Variants in HLTF observed in about 807,000 individuals in gnomAD.
HLTF encodes DNA-dependent ATPase/E3 ubiquitin-protein ligase HLTF.
Under a neutral mutation model 129.4 loss-of-function variants are expected in HLTF, and 127 were observed. The observed-to-expected ratio is 0.98, with a 90% CI of 0.85 to 1.14. HLTF has a LOEUF of 1.14. Ranked by LOEUF, HLTF falls within the 50% of genes most tolerant of loss-of-function variation. HLTF has a pLI of 0.00. For synonymous variants in HLTF, 332 were observed against 388.8 expected (o/e 0.85, Z 1.72); for missense variants, 1,139 against 1,187.1 (o/e 0.96, Z 0.60).
At chr3:149,067,867 C>T (rs952319744) in intron 8 of HLTF, among the ~76,000 whole-genome samples, 4 of 151,994 alleles carry the variant, frequency 2.6e-5, no homozygotes, top group Admixed American at 1.3e-4. Flanking sequence ...AATGTGATAC[C>T]TGCTGGTGGC....
intron 24 of HLTF, among the ~76,000 whole-genome samples, chr3:149,034,438 G>C (rs1576567709): frequency 6.6e-6 from 1 of 152,142 alleles, no homozygotes; most frequent in Non-Finnish European, 1.5e-5. Context: ...AGAGGAATGG[G>C]AAGTTATTAT....
chr3:149,074,855 A>T (rs1002948379), intron 3 of HLTF, among the ~76,000 whole-genome samples: 1 of 152,222 alleles, frequency 6.6e-6, no homozygotes, highest in African/African-American at 2.4e-5. Context: ...TAAAAATTAG[A>T]ATTAGAATAT....
chr3:149,072,025 C>G (rs764991552), intron 5 of HLTF, among the ~76,000 whole-genome samples: 9 of 152,066 alleles, frequency 5.9e-5, no homozygotes, highest in African/African-American at 9.7e-5. Context: ...TGCACTCCAG[C>G]CTGGGCAAGA....
At chr3:149,073,082 T>G in intron 5 of HLTF, 143 bp downstream of exon 5, 1 of 459,256 alleles carries the variant, frequency 2.2e-6, no homozygotes, top group Admixed American at 4.1e-5. Context: ...TATATTCTAT[T>G]TATTCTATAA....
chr3:149,048,164 C>G lies in HLTF; in HGVS notation c.1757-1G>C. ...TTTAAAGAATTCTGGATTGGAGTAC[C>G]TAGAAATAACAGGAAACTGTTATAA... On this transcript the variant is annotated splice_acceptor_variant, in intron 16 of 24. Transcript: ENST00000310053. LOFTEE classifies it high-confidence loss of function. 2 of 1,600,836 alleles carry G rather than the reference C, an allele frequency of 1.2e-6. No homozygotes were observed. The highest frequency in any genetic ancestry group is 1.7e-6 in the Non-Finnish European group (2 of 1,175,406).
chr3:149,042,412 G>C, intron 18 of HLTF, 122 bp from the exon 19 acceptor site: 7 of 747,920 alleles, frequency 9.4e-6, no homozygotes. Flanking sequence ...AAACAAGAAT[G>C]AAAAGCAGAA....
At chr3:149,049,494 T>A (rs1055130306) in intron 15 of HLTF, among the ~76,000 whole-genome samples, 1 of 152,128 alleles carries the variant, frequency 6.6e-6, no homozygotes, top group East Asian at 1.9e-4. Flanking sequence ...ATTGGAATTA[T>A]AAAGGTAAAA....
At chr3:149,067,049 T>C (rs1467445492) in intron 8 of HLTF, among the ~76,000 whole-genome samples, 1 of 152,096 alleles carries the variant, frequency 6.6e-6, no homozygotes, top group Admixed American at 6.5e-5. Context: ...TTTCCTTCTA[T>C]TTAAGTTACT....
At chr3:149,072,034 G>A (rs1387868469) in intron 5 of HLTF, among the ~76,000 whole-genome samples, 1 of 152,110 alleles carries the variant, frequency 6.6e-6, no homozygotes, top group Non-Finnish European at 1.5e-5. Context: ...GCCTGGGCAA[G>A]AAAGTGAGAC....
At chr3:149,045,793 T>C (rs1716499181) in intron 18 of HLTF, among the ~76,000 whole-genome samples, 1 of 152,174 alleles carries the variant, frequency 6.6e-6, no homozygotes, top group Admixed American at 6.5e-5. Flanking sequence ...CAGATTTCCA[T>C]ACGATTTTGG....
At chr3:149,072,100 A>G (rs1229385509) in intron 5 of HLTF, among the ~76,000 whole-genome samples, 1 of 152,148 alleles carries the variant, frequency 6.6e-6, no homozygotes, top group Non-Finnish European at 1.5e-5. Flanking sequence ...ACCACAAACT[A>G]GTCAAACGCC....
intron 10 of HLTF, among the ~76,000 whole-genome samples, chr3:149,062,774 T>C (rs1262734141): frequency 1.3e-5 from 2 of 152,086 alleles, no homozygotes; most frequent in Non-Finnish European, 2.9e-5. Flanking sequence ...TCAGTTTTCA[T>C]CCCCTTAAAT....
At chr3:149,086,282 T>TA (rs1559889268) in intron 1 of HLTF, 35 bp downstream of exon 1, 1 of 1,597,282 alleles carries the variant, frequency 6.3e-7, no homozygotes, top group Admixed American at 1.7e-5. Flanking sequence ...TCCAGGCCGT[T>TA]AGACCGAGCG....
rs774486076 is a variant in HLTF at position 149,042,234 on chromosome 3, A to C, written c.2129T>G (p.Leu710Arg). 6.2e-7 allele frequency: 1 copy of C among 1,613,166 alleles called. No homozygotes were observed. Reference sequence around the variant, plus strand: ...ATGGCAACAAATTTGCCGCAGTCTAAGCAAAAGACCCAGGACATCTGCATA... The same window carrying C: ...ATGGCAACAAATTTGCCGCAGTCTACGCAAAAGACCCAGGACATCTGCATA... ...AHYADVLGLL[L>R]RLRQICCHTY... The change falls in exon 19 of 25, where the codon CTT (leucine) becomes CGT (arginine). Residue 710 changes from leucine to arginine, a missense_variant. Leu to Arg is a moderately radical substitution (Grantham distance 102, BLOSUM62 -2). Coordinates refer to ENST00000310053, the MANE Select transcript of HLTF (RefSeq NM_003071.4).
At chr3:149,082,983 G>A (rs745888588) in intron 2 of HLTF, among the ~76,000 whole-genome samples, 64 of 152,280 alleles carry the variant, frequency 4.2e-4, no homozygotes, top group Non-Finnish European at 7.8e-4. Context: ...TGGGCGCGGT[G>A]GCTCATGCCT....
rs893559834 is a variant in HLTF at position 149,054,563 on chromosome 3, G to A, written c.1473+740C>T. On this transcript the variant is annotated intron_variant, in intron 14 of 24. Transcript: ENST00000310053. ...TTATATTCACAGGGATTCCAAGAGA[G>A]TCATTATTTCATCATAACAAGAAGT... Among the ~76,000 whole-genome samples the A allele has an allele frequency of 1.4e-4, 22 of 152,212 alleles. No individual in the cohort carries two copies. In the Middle Eastern group the frequency reaches 0.014, roughly 94 times the overall value.
intron 23 of HLTF, 26 bp from the exon 24 acceptor site, chr3:149,035,024 T>C: frequency 6.7e-7 from 1 of 1,496,310 alleles, no homozygotes; most frequent in Non-Finnish European, 9.3e-7. Context: ...ATGAGTTACT[T>C]TACTACTGCC....
chr3:149,046,263 A>T lies in HLTF; in HGVS notation c.1893-4T>A. 7.0e-7 allele frequency: 1 copy of T among 1,437,582 alleles called. No individual in the cohort carries two copies. Among genetic ancestry groups the T allele is most frequent in the Non-Finnish European group, 9.6e-7 (1 of 1,045,036 alleles). The allele number at this position is 1,437,582 out of a possible 1,614,324, so 89.1% of individuals were successfully genotyped here. On this transcript the variant is annotated splice_region_variant and splice_polypyrimidine_tract_variant and intron_variant, in intron 17 of 24. Transcript: ENST00000310053. ...TTTAATTAGGGACTGTAAACGCCTAATCAGAATAAAACAAATAATTATGTA... is the reference window on the plus strand; with the variant it reads ...TTTAATTAGGGACTGTAAACGCCTATTCAGAATAAAACAAATAATTATGTA...
At position 149,041,544 on chromosome 3, in the gene HLTF, A is replaced by G. The variant is rs370415771; in HGVS notation, c.2322T>C (p.His774=). 6.2e-7 allele frequency: 1 copy of G among 1,613,192 alleles called. No individual in the cohort carries two copies. Among genetic ancestry groups the G allele is most frequent in the Non-Finnish European group, 8.5e-7 (1 of 1,179,430 alleles). The change falls in exon 20 of 25, where the codon CAT becomes CAC. Residue 774 remains histidine, a synonymous_variant. Coordinates refer to ENST00000310053, the MANE Select transcript of HLTF (RefSeq NM_003071.4). ...AGGGTTTACAAAATACATGTGCACA[A>G]TGTGTTATCACAGGAACTGTTAAAG... is the stretch of plus-strand genomic sequence containing the variant. The part of the protein sequence containing the change: ...LDSLTVPVIT[H]CAHVFCKPCI...
Sources: allele counts gnomAD v4.1 joint callset (sites outside exome capture counted in the v4.1 genomes callset), GRCh38; gene constraint gnomAD v4.1.1; transcripts MANE v1.5; gene names NCBI Gene and HGNC (gene_info 2026-07-23, HGNC 2026-07-21).